DRP2: variants seen among roughly 807,000 people sequenced by gnomAD.
DRP2 encodes dystrophin-related protein 2.
DRP2 carries 29 observed loss-of-function variants against 78.2 expected under a neutral mutation model. The observed-to-expected ratio is 0.37, with a 90% CI of 0.28 to 0.51. The LOEUF (loss-of-function observed/expected upper bound fraction) is 0.51, where lower values mean the gene tolerates loss of function less well. Among genes scored for constraint, DRP2 ranks in the 20% least tolerant of loss-of-function variants. DRP2 has a pLI of 0.94. For missense variants in DRP2, 686 were observed against 770.6 expected (o/e 0.89, Z 1.30); for synonymous variants, 290 against 281.9 (o/e 1.03, Z -0.29).
intron 1 of DRP2, among the ~76,000 whole-genome samples, chrX:101,223,110 G>T (rs1921952675): frequency 9.0e-6 from 1 of 110,625 alleles, no homozygotes; most frequent in South Asian, 3.9e-4. Context: ...TCGAGCTCCT[G>T]GGCTGGAGCA....
rs1473128707 is a variant in DRP2, at chrX:101,248,438, T to C, written c.1455-76T>C. On this transcript the variant is annotated intron_variant, in intron 13 of 23. Coordinates refer to ENST00000395209, the MANE Select transcript of DRP2 (RefSeq NM_001939.3). The stretch of plus-strand genomic sequence containing the variant: ...GAACAGGGCCCTGCTGGGATCAACT[T>C]TGTGAGGGAAATGATTGCCAAGATG... The C allele has an allele frequency of 2.1e-5, 24 of 1,148,147 alleles. No homozygotes were observed. In the Middle Eastern group the frequency reaches 2.9e-3, roughly 137 times the overall value. The allele number at this position is 1,148,147 out of a possible 1,213,427, so 94.6% of individuals were successfully genotyped here. A position where few individuals can be genotyped will look rare whatever the true frequency, so the allele number is the denominator to read the frequency against.
rs1035639780 is a variant in DRP2 at position 101,233,022 on chromosome X, G to A, written c.117+1258G>A. 7.1e-5 allele frequency among the ~76,000 whole-genome samples: 8 copies of A among 112,419 alleles called. No individual in the cohort carries two copies. The Admixed American group carries it at 7.5e-4, about 11-fold the overall frequency. On this transcript the variant is annotated intron_variant, in intron 3 of 23. Transcript: ENST00000395209. ...CCTTGAGGGGAGTGGGGTGCAAGAA[G>A]CAAATATCCTGGCTACAAAAGCCAG...
intron 21 of DRP2, among the ~76,000 whole-genome samples, chrX:101,257,429 TAAA>T (rs57717609): frequency 9.7e-5 from 5 of 51,433 alleles, no homozygotes; most frequent in South Asian, 1.4e-3. Flanking sequence ...CAAGGCAAGA[TAAA>T]AAAAAAAAAA....
At chrX:101,226,849 A>G (rs1922138143) in intron 2 of DRP2, among the ~76,000 whole-genome samples, 1 of 111,930 alleles carries the variant, frequency 8.9e-6, no homozygotes, top group African/African-American at 3.2e-5. Flanking sequence ...TTGCTGTCTC[A>G]GTCCATTTTC....
chrX:101,243,737 A>C (rs923764400), intron 9 of DRP2, among the ~76,000 whole-genome samples: 3 of 111,801 alleles, frequency 2.7e-5, no homozygotes, highest in African/African-American at 9.8e-5. Context: ...TAAGTAAAAT[A>C]TATATAAGGT....
chrX:101,253,103 G>A (rs191268265), intron 17 of DRP2, among the ~76,000 whole-genome samples: 94 of 112,016 alleles, frequency 8.4e-4, no homozygotes, highest in Middle Eastern at 4.6e-3. Context: ...TTCCTATATT[G>A]CTTCTGTACT....
rs750893458 is a variant in DRP2, at chrX:101,247,222, T to C, written c.1252+58T>C. On this transcript the variant is annotated intron_variant, in intron 12 of 23. Coordinates refer to ENST00000395209, the MANE Select transcript of DRP2 (RefSeq NM_001939.3). Reference sequence around the variant, plus strand: ...CACCACCCCTCTCCTGTTCCTCATCTGTCTGCTGTTTCTCATTTTCCTCCC... The same window carrying C: ...CACCACCCCTCTCCTGTTCCTCATCCGTCTGCTGTTTCTCATTTTCCTCCC... 5.9e-4 allele frequency: 617 copies of C among 1,054,515 alleles called. 1 individual carries two copies. Among genetic ancestry groups the C allele is most frequent in the Non-Finnish European group, 7.6e-4 (589 of 773,138 alleles). 86.9% of individuals were successfully genotyped at this position (1,054,515 alleles called of 1,213,427 possible).
intron 17 of DRP2, among the ~76,000 whole-genome samples, chrX:101,253,188 A>G (rs1465384559): frequency 9.0e-6 from 1 of 111,002 alleles, no homozygotes; most frequent in East Asian, 2.8e-4. Context: ...TTATGCTCAA[A>G]TTAATTATTC....
intron 12 of DRP2, among the ~76,000 whole-genome samples, chrX:101,247,630 C>T (rs5920895): frequency 0.43 from 47,387 of 110,540 alleles, 8,346 homozygotes; most frequent in East Asian, 0.89. Flanking sequence ...GCTGAGCCAG[C>T]ATTTGGGGGT....
chrX:101,223,389 T>C, intron 1 of DRP2, among the ~76,000 whole-genome samples: 1 of 112,567 alleles, frequency 8.9e-6, no homozygotes, highest in South Asian at 3.7e-4. Flanking sequence ...TTTTTCACTA[T>C]TGTATACTCC....
intron 7 of DRP2, 102 bp downstream of exon 7, chrX:101,242,038 A>G (rs1246975423): frequency 1.0e-5 from 10 of 981,052 alleles, no homozygotes; most frequent in Middle Eastern, 3.4e-4. Context: ...GTTGGCCTGG[A>G]CTACAACTGA....
At chrX:101,235,389 T>C (rs183554643) in intron 3 of DRP2, among the ~76,000 whole-genome samples, 12 of 112,606 alleles carry the variant, frequency 1.1e-4, no homozygotes, top group Non-Finnish European at 1.7e-4. Flanking sequence ...TAAATCTTTA[T>C]GGAGAAACTC....
At position 101,261,496 on chromosome X, in the gene DRP2, G is replaced by C. The variant is rs1923554128; in HGVS notation, c.*875G>C. 1 of 111,376 alleles carries C rather than the reference G, an allele frequency of 9.0e-6. No homozygotes were observed. Among genetic ancestry groups the C allele is most frequent in the African/African-American group, 3.3e-5 (1 of 30,589 alleles). The allele number at this position is 111,376 out of a possible 1,213,427, so 9.2% of individuals were successfully genotyped here. A position where few individuals can be genotyped will look rare whatever the true frequency, so the allele number is the denominator to read the frequency against. ...GACACAGTGGCAGCTTGCTGAGCAAGGGAGTGTTGCTTTCCTTGGGTAAGG... is the reference window on the plus strand; with the variant it reads ...GACACAGTGGCAGCTTGCTGAGCAACGGAGTGTTGCTTTCCTTGGGTAAGG... On this transcript the variant is annotated 3_prime_UTR_variant, in exon 24 of 24. Transcript: ENST00000395209.
chrX:101,241,370 T>A (rs1382009723), intron 6 of DRP2, among the ~76,000 whole-genome samples: 2 of 111,858 alleles, frequency 1.8e-5, no homozygotes, highest in Admixed American at 1.9e-4. Flanking sequence ...TTTTGCAAGA[T>A]GTTGTCATTT....
In DRP2 at chrX:101,235,931, G is replaced by T. The variant is rs138048249; in HGVS notation, c.189G>T (p.Leu63=). ...GAGVPCLSLK[L]LNGSVGASGP... ...GGGTTCCCTGCCTAAGCCTAAAGCT[G>T]TTGAACGGGTCTGTTGGTGCCTCTG... Residue 63 remains leucine, a synonymous_variant, in exon 4 of 24, where the codon CTG becomes CTT. Transcript: ENST00000395209. 833 of 1,210,460 alleles carry T rather than the reference G, an allele frequency of 6.9e-4. 5 individuals are homozygous for T. In the Middle Eastern group the frequency reaches 9.9e-3, roughly 14 times the overall value.
In DRP2 at chrX:101,260,138, G is replaced by T; in HGVS notation, c.2718G>T (p.Lys906Asn). ...QQSEGSHPRE[K>N]GQTTPDTEAA... is the part of the protein sequence containing the mutation. ...CAGAAGGCAGTCACCCCCGGGAGAA[G>T]GGACAGACTACTCCAGATACCGAGG... is the stretch of plus-strand genomic sequence containing the variant. Residue 906 changes from lysine (K) to asparagine (N), a missense_variant, in exon 23 of 24, where the codon AAG (lysine) becomes AAT (asparagine). Physicochemically the swap from Lys to Asn is moderately conservative, Grantham distance 94 (BLOSUM62 0). This residue lies in a region of DRP2 where 423 missense variants were observed against 531.5 expected (regional missense o/e 0.80). Coordinates refer to ENST00000395209, the MANE Select transcript of DRP2 (RefSeq NM_001939.3). 1.7e-6 allele frequency: 2 copies of T among 1,211,554 alleles called. No homozygotes were observed. The highest frequency in any genetic ancestry group is 2.2e-6 in the Non-Finnish European group (2 of 895,452).
At chrX:101,247,944 A>T (rs1465484217) in intron 12 of DRP2, 145 bp from the exon 13 acceptor site, 1 of 513,253 alleles carries the variant, frequency 1.9e-6, no homozygotes. Flanking sequence ...GGTCTTAGTA[A>T]AGGACAAGCT....
chrX:101,241,268 A>T (rs764920503), intron 6 of DRP2, among the ~76,000 whole-genome samples: 1 of 111,969 alleles, frequency 8.9e-6, no homozygotes, highest in South Asian at 3.7e-4. Context: ...ACACACACAT[A>T]CACACACGAA....
chrX:101,242,550 G>A (rs776576447), intron 8 of DRP2, 79 bp downstream of exon 8: 4 of 1,104,896 alleles, frequency 3.6e-6, no homozygotes, highest in Non-Finnish European at 4.9e-6. Flanking sequence ...TCAGGGGTAT[G>A]GAAATAGGAT....
Sources: gnomAD v4.1 joint callset for allele counts (sites outside exome capture counted in the v4.1 genomes callset) on GRCh38, gnomAD v4.1.1 for gene constraint, gnomAD v4.1.1 regional missense constraint, MANE v1.5 for transcripts, NCBI Gene and HGNC (gene_info 2026-07-23, HGNC 2026-07-21) for gene names.